SINHCAF: variants seen among roughly 807,000 people sequenced by gnomAD.
SINHCAF encodes SIN3-HDAC complex-associated factor.
Under a neutral mutation model 25.8 loss-of-function variants are expected in SINHCAF, and 3 were observed. The observed-to-expected ratio is 0.12, with a 90% CI of 0.05 to 0.30. The LOEUF is 0.30. Ranked by LOEUF, SINHCAF falls within the 10% of genes least tolerant of loss-of-function variation. The pLI is 1.00. For synonymous variants in SINHCAF, 70 were observed against 85.5 expected, an observed-to-expected ratio of 0.82 and a Z score of 1.00; for missense variants, 121 against 262.3, an observed-to-expected ratio of 0.46 and a Z score of 3.72.
Position 31,325,316 on chromosome 12 carries a change from GTTT to G in SINHCAF, c.-21+705_-21+707del, listed in dbSNP as rs1167007488. The G allele has an allele frequency of 2.3e-6, 1 of 440,998 alleles. No individual in the cohort carries two copies. Among genetic ancestry groups the G allele is most frequent in the Non-Finnish European group, 4.6e-6 (1 of 219,572 alleles). The allele number at this position is 440,998 out of a possible 1,614,324, so 27.3% of individuals were successfully genotyped here. A position where few individuals can be genotyped will look rare whatever the true frequency, so the allele number is the denominator to read the frequency against. On this transcript the variant is annotated intron_variant, in intron 1 of 5. Transcript: ENST00000337682. The surrounding 1 kb of genome is among the most constrained non-coding windows in gnomAD (Gnocchi z 5.9). ...AGGGCAGGCGAGTGGAAGACGGGCT[GTTT>G]TTAAGCGACCGCGTGTTGCTCTCAT...
intron 1 of SINHCAF, chr12:31,304,357 A>G (rs938669090): frequency 1.3e-5 from 2 of 152,186 alleles, no homozygotes; most frequent in African/African-American, 4.8e-5. Flanking sequence ...AACAAATGAG[A>G]CGTGCTGGCA....
Position 31,314,932 on chromosome 12 carries a change from T to C in SINHCAF, c.-21+11092A>G, listed in dbSNP as rs77508682. ...GGGTTTCTAAAGGTGGAATCAGATG[T>C]TCTGCAGTTGCAGGGGATTTAGTCG... On this transcript the variant is annotated intron_variant, in intron 1 of 5. Coordinates refer to ENST00000337682, the MANE Select transcript of SINHCAF (RefSeq NM_001135812.2). Among the ~76,000 whole-genome samples the C allele has an allele frequency of 0.013, 1,950 of 152,358 alleles. 150 individuals are homozygous for C. The East Asian group carries it at 0.22, about 17-fold the overall frequency.
Position 31,312,356 on chromosome 12 carries a change from TTG to T in SINHCAF, c.-21+13666_-21+13667del, listed in dbSNP as rs369449635. Reference sequence around the variant, plus strand: ...TGTTTTCAACATTGTTTTACGTATTTTGTGTGTGTGTGTGTGTGAGTGTGTGT... The same window carrying T: ...TGTTTTCAACATTGTTTTACGTATTTTGTGTGTGTGTGTGTGAGTGTGTGT... On this transcript the variant is annotated intron_variant, in intron 1 of 5. Coordinates refer to ENST00000337682, the MANE Select transcript of SINHCAF (RefSeq NM_001135812.2). 6.1e-3 allele frequency among the ~76,000 whole-genome samples: 915 copies of T among 149,636 alleles called. 6 individuals carry two copies. The highest frequency in any genetic ancestry group is 0.022 in the South Asian group (104 of 4,758).
chr12:31,313,363 T>C (rs1274075059), intron 1 of SINHCAF, among the ~76,000 whole-genome samples: 1 of 152,196 alleles, frequency 6.6e-6, no homozygotes, highest in Non-Finnish European at 1.5e-5. Flanking sequence ...GCAGTGGTAC[T>C]GCTGTCATAA....
Position 31,300,741 on chromosome 12 carries a change from A to G in SINHCAF, c.-20-2517T>C, listed in dbSNP as rs568452388. 2.0e-5 allele frequency among the ~76,000 whole-genome samples: 3 copies of G among 152,280 alleles called. No homozygotes were observed. In the South Asian group the frequency reaches 6.2e-4, roughly 32 times the overall value. ...CTTTAATTTGTGTATTCCTGTTTTAAGGCAAAATGTTAATACGGCCCTCGT... is the reference window on the plus strand; with the variant it reads ...CTTTAATTTGTGTATTCCTGTTTTAGGGCAAAATGTTAATACGGCCCTCGT... On this transcript the variant is annotated intron_variant, in intron 1 of 5. Coordinates refer to ENST00000337682, the MANE Select transcript of SINHCAF (RefSeq NM_001135812.2).
rs1345290127 is a variant in SINHCAF at position 31,281,118 on chromosome 12, G to A, written c.*1594C>T. 6.6e-6 allele frequency: 1 copy of A among 152,220 alleles called. No individual in the cohort carries two copies. Among genetic ancestry groups the A allele is most frequent in the Non-Finnish European group, 1.5e-5 (1 of 68,032 alleles). 9.4% of individuals were successfully genotyped at this position (152,220 alleles called of 1,614,324 possible). A position where few individuals can be genotyped will look rare whatever the true frequency, so the allele number is the denominator to read the frequency against. On this transcript the variant is annotated 3_prime_UTR_variant, in exon 6 of 6. Transcript: ENST00000337682. The stretch of plus-strand genomic sequence containing the variant: ...TTTTAAAATGCAGTTTAAAAAATAA[G>A]CACTGAGTCTTGTTATTACAAGGCA...
intron 2 of SINHCAF, among the ~76,000 whole-genome samples, chr12:31,297,467 A>ATTTTTTTTTTTTTTT (rs777087270): frequency 2.9e-5 from 3 of 103,424 alleles, no homozygotes; most frequent in African/African-American, 1.1e-4. Context: ...GTCAAGCGTA[A>ATTTTTTTTTTTTTTT]TTTTTTTTTT....
At chr12:31,288,005 T>C (rs370295457) in intron 4 of SINHCAF, among the ~76,000 whole-genome samples, 4 of 152,276 alleles carry the variant, frequency 2.6e-5, no homozygotes, top group East Asian at 3.9e-4. Flanking sequence ...CTCCTGCTTA[T>C]ACAACTAAAA....
In SINHCAF at chr12:31,295,041, T is replaced by A. The variant is rs143711467; in HGVS notation, c.228+193A>T. ...GATATTGGATACAGCCTTAAGGAAA[T>A]GCCACACCAGGCTATTCTGTTCTAA... On this transcript the variant is annotated intron_variant, in intron 3 of 5. Transcript: ENST00000337682. Among the ~76,000 whole-genome samples the A allele has an allele frequency of 6.0e-3, 921 of 152,306 alleles. 13 individuals carry two copies. Among genetic ancestry groups the A allele is most frequent in the African/African-American group, 0.021 (874 of 41,562 alleles).
At chr12:31,305,597 G>A (rs1272952148) in intron 1 of SINHCAF, among the ~76,000 whole-genome samples, 1 of 152,044 alleles carries the variant, frequency 6.6e-6, no homozygotes, top group South Asian at 2.1e-4. Context: ...CTACCAATCC[G>A]GGGACTTAGC....
At chr12:31,316,923 A>C (rs548814298) in intron 1 of SINHCAF, among the ~76,000 whole-genome samples, 16 of 152,242 alleles carry the variant, frequency 1.1e-4, no homozygotes, top group Non-Finnish European at 1.9e-4. Context: ...AAGGATATGG[A>C]GAGGGTTCTT....
At chr12:31,303,276 A>C in intron 1 of SINHCAF, 3 of 932,746 alleles carry the variant, frequency 3.2e-6, no homozygotes, top group South Asian at 4.9e-5. Context: ...GAGAACACAA[A>C]TGATCATACT....
At chr12:31,293,165 A>G (rs1407198233) in intron 4 of SINHCAF, among the ~76,000 whole-genome samples, 2 of 152,208 alleles carry the variant, frequency 1.3e-5, no homozygotes, top group Non-Finnish European at 2.9e-5. Context: ...AGGGTAATAG[A>G]GATATTTATT....
At chr12:31,285,418 TACACACACACACACAC>T (rs71444392) in intron 5 of SINHCAF, among the ~76,000 whole-genome samples, 22 of 141,354 alleles carry the variant, frequency 1.6e-4, no homozygotes, top group Admixed American at 8.0e-4. Context: ...TATATATACA[TACACACACACACACAC>T]ACACACACAC....
rs768788189 is a variant in SINHCAF, at chr12:31,293,866, T to C, written c.294A>G (p.Leu98=). 6.2e-6 allele frequency: 10 copies of C among 1,613,488 alleles called. No homozygotes were observed. Among genetic ancestry groups the C allele is most frequent in the Non-Finnish European group, 7.6e-6 (9 of 1,179,698 alleles). ...GGTTGCTTTTTATCCTGTTCCCAGATAGAGTTTTCACTTTCTTTGGTTTCA... is the reference window on the plus strand; with the variant it reads ...GGTTGCTTTTTATCCTGTTCCCAGACAGAGTTTTCACTTTCTTTGGTTTCA... ...TTLKPKKVKT[L]SGNRIKSNQI... Residue 98 remains leucine (L), a synonymous_variant, in exon 4 of 6, where the codon CTA becomes CTG. Coordinates refer to ENST00000337682, the MANE Select transcript of SINHCAF (RefSeq NM_001135812.2).
intron 1 of SINHCAF, chr12:31,312,157 TATACAGAATG>T: frequency 1.1e-5 from 4 of 376,282 alleles, no homozygotes; most frequent in South Asian, 9.0e-5. Flanking sequence ...TAATTGGAAC[TATACAGAATG>T]TACTCTTTCA....
intron 1 of SINHCAF, among the ~76,000 whole-genome samples, chr12:31,320,290 A>C (rs893568699): frequency 6.6e-6 from 1 of 152,232 alleles, no homozygotes; most frequent in Admixed American, 6.5e-5. Flanking sequence ...ACAAACTTTA[A>C]TAACTAGCCA....
intron 1 of SINHCAF, among the ~76,000 whole-genome samples, chr12:31,321,110 T>C (rs1339298746): frequency 1.3e-5 from 2 of 152,172 alleles, no homozygotes; most frequent in African/African-American, 4.8e-5. Flanking sequence ...CTAGATGACA[T>C]TTCCAGATTA....
chr12:31,296,816 A>G (rs1480295375), intron 2 of SINHCAF: 1 of 240,474 alleles, frequency 4.2e-6, no homozygotes, highest in Non-Finnish European at 8.5e-6. Context: ...TGACAGTGAC[A>G]CTGCAGTTCT....
Sources: allele counts gnomAD v4.1 joint callset (sites outside exome capture counted in the v4.1 genomes callset), GRCh38; gene constraint gnomAD v4.1.1; non-coding constraint Gnocchi (gnomAD v3.1); transcripts MANE v1.5; gene names NCBI Gene and HGNC (gene_info 2026-07-23, HGNC 2026-07-21).